KIFC2: variants seen among roughly 807,000 people sequenced by gnomAD.
KIFC2 encodes the protein kinesin family member C2.
A neutral mutation model predicts 91.5 loss-of-function variants in KIFC2; 94 were observed. That is an observed-to-expected ratio of 1.03 (90% confidence interval 0.87 to 1.22). The LOEUF (loss-of-function observed/expected upper bound fraction) is 1.22, where lower values mean the gene tolerates loss of function less well. Among genes scored for constraint, KIFC2 ranks in the 50% most tolerant of loss-of-function variants. KIFC2 has a pLI of 0.00. For synonymous variants in KIFC2, 729 were observed against 503.9 expected (o/e 1.45, Z -5.98); for missense variants, 1,357 against 1,103.3 (o/e 1.23, Z -3.26).
rs768571824 is a variant in KIFC2, at chr8:144,472,645, G to C, written c.1800G>C (p.Ser600=). Residue 600 remains serine, a synonymous_variant, in exon 16 of 18, where the codon TCG becomes TCC. Coordinates refer to ENST00000645548, the MANE Select transcript of KIFC2 (RefSeq NM_001369769.2). The stretch of plus-strand genomic sequence containing the variant: ...CCATGAACCAGCGCAGCTCCCGCTC[G>C]CATGCCCTGGTCACGCTGACGCTGC... The part of the protein sequence containing the change: ...ATAMNQRSSR[S]HALVTLTLRA... The C allele has an allele frequency of 2.5e-6, 4 of 1,601,094 alleles. No individual in the cohort carries two copies. Among genetic ancestry groups the C allele is most frequent in the African/African-American group, 1.3e-5 (1 of 75,020 alleles).
Position 144,467,084 on chromosome 8 carries a change from T to C in KIFC2, c.304T>C (p.Cys102Arg). ...LSVQLGAEES[C>R]GGPADLGQSG... ...CGTCCAGCTGGGGGCGGAAGAGAGC[T>C]GCGGGGGCCCGGCGGACCTGGGCCA... Residue 102 changes from cysteine to arginine, a missense_variant, in exon 3 of 18, where the codon TGC becomes CGC. By Grantham distance (180) the Cys-to-Arg change is radical. Coordinates refer to ENST00000645548, the MANE Select transcript of KIFC2 (RefSeq NM_001369769.2). 2 of 1,598,846 alleles carry C rather than the reference T, an allele frequency of 1.3e-6. No homozygotes were observed.
upstream of KIFC2, chr8:144,466,201 C>T (rs1226419870): frequency 2.2e-5 from 4 of 179,584 alleles, no homozygotes. Flanking sequence ...GGTTGGGGCG[C>T]GCCGGGCGGC....
At position 144,473,276 on chromosome 8, in the gene KIFC2, C is replaced by G; in HGVS notation, c.2263C>G (p.Pro755Ala). Residue 755 changes from proline to alanine, a missense_variant, in exon 18 of 18, where the codon CCG becomes GCG. Pro to Ala is a conservative substitution (Grantham distance 27). Transcript: ENST00000645548. Reference protein sequence around the residue: ...GTPSSLSTDTPLTGTPCTPTP... With the variant: ...GTPSSLSTDTALTGTPCTPTP... ...GCCTTCTTCCCTCAGCACCGACACT[C>G]CGCTCACCGGGACCCCCTGCACCCC... 1.2e-6 allele frequency: 2 copies of G among 1,606,254 alleles called. No homozygotes were observed. Among genetic ancestry groups the G allele is most frequent in the Non-Finnish European group, 1.7e-6 (2 of 1,177,350 alleles).
chr8:144,472,527 C>T (rs372938604), intron 15 of KIFC2, 43 bp downstream of exon 15: 1 of 1,611,730 alleles, frequency 6.2e-7, no homozygotes, highest in Admixed American at 1.7e-5. Flanking sequence ...CGTGCTTCCA[C>T]TTGGGGGCGG....
At chr8:144,472,740 T>TC (rs747157879) in intron 16 of KIFC2, 34 bp downstream of exon 16, 1 of 1,592,214 alleles carries the variant, frequency 6.3e-7, no homozygotes, top group African/African-American at 1.3e-5. Context: ...CTGCGGAGTC[T>TC]CCAGAGCACC....
intron 7 of KIFC2, 62 bp from the exon 8 acceptor site, chr8:144,468,267 C>G (rs550074539): frequency 1.4e-6 from 2 of 1,451,988 alleles, no homozygotes; most frequent in South Asian, 2.4e-5. Context: ...ACTTTCCCAT[C>G]TGTGAAATGG....
Position 144,473,995 on chromosome 8 carries a change from C to T in KIFC2, c.*606C>T. The T allele has an allele frequency of 1.8e-6, 1 of 566,812 alleles. No homozygotes were observed. Among genetic ancestry groups the T allele is most frequent in the East Asian group, 2.9e-5 (1 of 34,846 alleles). 35.1% of individuals were successfully genotyped at this position (566,812 alleles called of 1,614,324 possible). Reference sequence around the variant, plus strand: ...TAGGAAGGGCTATTCCAGGCTCAGCCCTGCTCCTGCAGCTTTGCCGCTGAG... The same window carrying T: ...TAGGAAGGGCTATTCCAGGCTCAGCTCTGCTCCTGCAGCTTTGCCGCTGAG... On this transcript the variant is annotated 3_prime_UTR_variant, in exon 18 of 18. Transcript: ENST00000645548.
In KIFC2 at chr8:144,473,249, A is replaced by G. The variant is rs1825012520; in HGVS notation, c.2236A>G (p.Thr746Ala). ...CCGCAGGGTCCCGCGCTCCTCCGGG[A>G]CGCCTTCTTCCCTCAGCACCGACAC... is the stretch of plus-strand genomic sequence containing the variant. ...RRRRVPRSSG[T>A]PSSLSTDTPL... The change falls in exon 18 of 18, where the codon ACG (threonine) becomes GCG (alanine). Residue 746 changes from threonine to alanine, a missense_variant. Coordinates refer to ENST00000645548, the MANE Select transcript of KIFC2 (RefSeq NM_001369769.2). 1 of 1,603,436 alleles carries G rather than the reference A, an allele frequency of 6.2e-7. No individual in the cohort carries two copies. The highest frequency in any genetic ancestry group is 1.3e-5 in the African/African-American group (1 of 74,466).
Position 144,467,145 on chromosome 8 carries a change from A to G in KIFC2, c.330+35A>G, listed in dbSNP as rs1032529202. 7.4e-6 allele frequency: 12 copies of G among 1,611,634 alleles called. No individual in the cohort carries two copies. The Admixed American group carries it at 1.2e-4, about 16-fold the overall frequency. On this transcript the variant is annotated intron_variant, in intron 3 of 17. Transcript: ENST00000645548. ...GCGGAGGGGGCTGCTGGCAGGTACC[A>G]CCTGCCCCGGCCTTCCTGGCTTTCA...
chr8:144,470,969 TTTC>T (rs1824901218), intron 12 of KIFC2, among the ~76,000 whole-genome samples: 1 of 151,924 alleles, frequency 6.6e-6, no homozygotes, highest in Non-Finnish European at 1.5e-5. Flanking sequence ...CTCTTTTTTT[TTTC>T]TTTATTTTTG....
At chr8:144,466,859 C>T (rs917855157) in intron 2 of KIFC2, 21 bp downstream of exon 2, 40 of 1,536,668 alleles carry the variant, frequency 2.6e-5, no homozygotes, top group Non-Finnish European at 3.3e-5. Flanking sequence ...GCTGGGAGTC[C>T]CGCGGTGCGA....
In KIFC2 at chr8:144,469,588, G is replaced by A; in HGVS notation, c.1321G>A (p.Gly441Arg). 1 of 1,612,912 alleles carries A rather than the reference G, an allele frequency of 6.2e-7. No individual in the cohort carries two copies. The highest frequency in any genetic ancestry group is 8.5e-7 in the Non-Finnish European group (1 of 1,179,728). ...GGGCACCGTCACCACCTGCTACCGG[G>A]GGCGCCATCGTCGATTCCGCCTAGA... is the stretch of plus-strand genomic sequence containing the variant. ...PGGTVTTCYR[G>R]RHRRFRLDWV... Residue 441 changes from glycine to arginine, a missense_variant, in exon 12 of 18, where the codon GGG becomes AGG. Physicochemically the swap from Gly to Arg is moderately radical, Grantham distance 125. Coordinates refer to ENST00000645548, the MANE Select transcript of KIFC2 (RefSeq NM_001369769.2).
rs961808166 is a variant in KIFC2 at position 144,473,856 on chromosome 8, G to A, written c.*467G>A. 7.8e-6 allele frequency: 3 copies of A among 386,754 alleles called. No homozygotes were observed. Among genetic ancestry groups the A allele is most frequent in the Admixed American group, 4.2e-5 (1 of 23,602 alleles). The allele number at this position is 386,754 out of a possible 1,614,324, so 24.0% of individuals were successfully genotyped here. ...CCTCCTTTCCAGACAGATGAGAGAG[G>A]GCAGGACTTCAGGCTGGATCCACCA... On this transcript the variant is annotated 3_prime_UTR_variant, in exon 18 of 18. Transcript: ENST00000645548.
chr8:144,469,218 C>G (rs534494847), intron 10 of KIFC2, 53 bp from the exon 11 acceptor site: 12 of 1,438,730 alleles, frequency 8.3e-6, no homozygotes, highest in Non-Finnish European at 1.1e-5. Context: ...CACCCCCCAC[C>G]TCCGCAGCTC....
chr8:144,467,391 C>G (rs2291132), intron 4 of KIFC2, 50 bp downstream of exon 4: 1 of 1,550,570 alleles, frequency 6.4e-7, no homozygotes, highest in Admixed American at 2.0e-5. Flanking sequence ...GAGCAAATCC[C>G]GGTAGAACCT....
rs1274304899 is a variant in KIFC2, at chr8:144,466,707, G to A, written c.100-53G>A. 9 of 1,411,034 alleles carry A rather than the reference G, an allele frequency of 6.4e-6. No individual in the cohort carries two copies. In the Admixed American group the frequency reaches 1.6e-4, roughly 25 times the overall value. The allele number at this position is 1,411,034 out of a possible 1,614,324, so 87.4% of individuals were successfully genotyped here. The stretch of plus-strand genomic sequence containing the variant: ...TCCGGCCCGGTTCGCGGAGGGAAGG[G>A]GCCAGCAGGCTGCCTGCCCCCCTCC... On this transcript the variant is annotated intron_variant, in intron 1 of 17. Transcript: ENST00000645548.
intron 12 of KIFC2, among the ~76,000 whole-genome samples, chr8:144,470,912 C>CA (rs1236568165): frequency 6.6e-6 from 1 of 152,238 alleles, no homozygotes; most frequent in Non-Finnish European, 1.5e-5. Flanking sequence ...GAGTAAGCTC[C>CA]AATCATACCC....
chr8:144,469,190 C>G, intron 10 of KIFC2, 81 bp from the exon 11 acceptor site: 1 of 1,186,128 alleles, frequency 8.4e-7, no homozygotes, highest in East Asian at 2.5e-5. Context: ...GGGCTCCCTG[C>G]TGCTCTCAGG....
rs761835882 is a variant in KIFC2 at position 144,473,226 on chromosome 8, G to C, written c.2213G>C (p.Arg738Pro). The C allele has an allele frequency of 5.0e-6, 8 of 1,595,318 alleles. No homozygotes were observed. The African/African-American group carries it at 1.1e-4, about 21-fold the overall frequency. ...GTGGAGCTGGGGCCAGCCCGGCGCC[G>C]CAGGGTCCCGCGCTCCTCCGGGACG... Reference protein sequence around the residue: ...GQVELGPARRRRVPRSSGTPS... With the variant: ...GQVELGPARRPRVPRSSGTPS... The change falls in exon 18 of 18, where the codon CGC becomes CCC. Residue 738 changes from arginine to proline, a missense_variant. Physicochemically the swap from Arg to Pro is moderately radical, Grantham distance 103. Coordinates refer to ENST00000645548, the MANE Select transcript of KIFC2 (RefSeq NM_001369769.2).
Sources: gnomAD v4.1 joint callset for allele counts (sites outside exome capture counted in the v4.1 genomes callset) on GRCh38, gnomAD v4.1.1 for gene constraint, MANE v1.5 for transcripts, NCBI Gene and HGNC (gene_info 2026-07-23, HGNC 2026-07-21) for gene names.